TFPI: variants seen among roughly 807,000 people sequenced by gnomAD.
TFPI encodes the protein tissue factor pathway inhibitor, also known as anti-convertin.
A neutral mutation model predicts 34.6 loss-of-function variants in TFPI; 15 were observed. That is an observed-to-expected ratio of 0.43 (90% CI 0.29 to 0.67). The LOEUF (loss-of-function observed/expected upper bound fraction) is 0.67, where lower values mean the gene tolerates loss of function less well. Ranked by LOEUF, TFPI falls within the 30% of genes least tolerant of loss-of-function variation. TFPI has a pLI of 0.15. For synonymous variants in TFPI, 105 were observed against 120.1 expected (o/e 0.87, Z 0.82); for missense variants, 301 against 364.0 (o/e 0.83, Z 1.41).
chr2:187,478,088 C>G (rs1692502304), intron 6 of TFPI, among the ~76,000 whole-genome samples: 1 of 152,140 alleles, frequency 6.6e-6, no homozygotes, highest in Non-Finnish European at 1.5e-5. Context: ...AGGCCCCTCT[C>G]AAGAGTTGAT....
chr2:187,484,766 A>G, intron 5 of TFPI, 45 bp downstream of exon 5: 2 of 1,526,266 alleles, frequency 1.3e-6, no homozygotes, highest in Non-Finnish European at 8.8e-7. Context: ...TAGTTTTAAA[A>G]GGATGCCTAT....
intron 1 of TFPI, among the ~76,000 whole-genome samples, chr2:187,550,304 C>T (rs1425449583): frequency 6.6e-6 from 1 of 151,978 alleles, no homozygotes; most frequent in Non-Finnish European, 1.5e-5. Flanking sequence ...ATTTTTTGTT[C>T]CCAAGTTGCA....
At chr2:187,527,542 A>G (rs1353310912) in intron 1 of TFPI, among the ~76,000 whole-genome samples, 1 of 152,166 alleles carries the variant, frequency 6.6e-6, no homozygotes, top group African/African-American at 2.4e-5. Context: ...AGCCTGCTTT[A>G]TCTCTTTATT....
intron 3 of TFPI, among the ~76,000 whole-genome samples, chr2:187,492,822 C>T (rs1440204862): frequency 1.3e-5 from 2 of 152,146 alleles, no homozygotes; most frequent in African/African-American, 4.8e-5. Flanking sequence ...TTTACAAGCT[C>T]CTAGGCAGAA....
rs144161718 is a variant in TFPI, at chr2:187,523,733, C to T, written c.-2-19963G>A. Among the ~76,000 whole-genome samples, 45 of 152,082 alleles carry T rather than the reference C, an allele frequency of 3.0e-4. No homozygotes were observed. The East Asian group carries it at 7.1e-3, about 24-fold the overall frequency. ...AATTCTCTGTGCTTCATCCATTCAT[C>T]CTCCTCCTTCCCTCCTCTATTCCCT... On this transcript the variant is annotated intron_variant, in intron 1 of 7. Transcript: ENST00000233156.
intron 1 of TFPI, among the ~76,000 whole-genome samples, chr2:187,550,543 A>G (rs1260156705): frequency 6.6e-6 from 1 of 152,170 alleles, no homozygotes; most frequent in Non-Finnish European, 1.5e-5. Context: ...TAAAATTCAT[A>G]ATATTAGGCA....
chr2:187,488,134 A>C (rs1287675073), intron 4 of TFPI, among the ~76,000 whole-genome samples: 2 of 151,388 alleles, frequency 1.3e-5, no homozygotes, highest in Non-Finnish European at 3.0e-5. Flanking sequence ...AAATCATTTC[A>C]AAAATGACAT....
intron 6 of TFPI, among the ~76,000 whole-genome samples, chr2:187,470,900 T>A (rs1265814330): frequency 6.6e-6 from 1 of 152,244 alleles, no homozygotes; most frequent in East Asian, 1.9e-4. Flanking sequence ...CTCCTACTTG[T>A]CCATGACTGA....
intron 4 of TFPI, among the ~76,000 whole-genome samples, chr2:187,487,566 G>A (rs1281448778): frequency 6.6e-6 from 1 of 151,216 alleles, no homozygotes. Flanking sequence ...TAATCTCTTT[G>A]TTCAATATTT....
chr2:187,471,567 C>G (rs1692036268), intron 6 of TFPI, among the ~76,000 whole-genome samples: 1 of 151,980 alleles, frequency 6.6e-6, no homozygotes, highest in Non-Finnish European at 1.5e-5. Context: ...ATTTAATAAT[C>G]AAATGCATTC....
chr2:187,503,159 C>A (rs1213714683), intron 2 of TFPI, among the ~76,000 whole-genome samples: 3 of 151,824 alleles, frequency 2.0e-5, no homozygotes, highest in Admixed American at 6.6e-5. Context: ...TTACTAGATC[C>A]TTTGGTGTCC....
At chr2:187,468,112 T>C (rs1469453053) in intron 6 of TFPI, among the ~76,000 whole-genome samples, 180 bp from the exon 7 acceptor site, 2 of 152,122 alleles carry the variant, frequency 1.3e-5, no homozygotes, top group Non-Finnish European at 2.9e-5. Context: ...CAAAACCATG[T>C]GTCCAGTATA....
At chr2:187,522,211 T>C (rs1252854943) in intron 1 of TFPI, among the ~76,000 whole-genome samples, 1 of 152,166 alleles carries the variant, frequency 6.6e-6, no homozygotes, top group African/African-American at 2.4e-5. Flanking sequence ...AGCTTTTTAA[T>C]TTGATGTAAT....
chr2:187,532,637 G>GA (rs971868913), intron 1 of TFPI, among the ~76,000 whole-genome samples: 3 of 151,982 alleles, frequency 2.0e-5, no homozygotes, highest in Non-Finnish European at 2.9e-5. Context: ...TGGGTTTCAA[G>GA]AAAAAAATTG....
intron 4 of TFPI, 78 bp from the exon 5 acceptor site, chr2:187,485,065 C>T (rs1157152805): frequency 8.8e-7 from 1 of 1,132,240 alleles, no homozygotes; most frequent in Non-Finnish European, 1.2e-6. Context: ...TTTATAAATA[C>T]CTGGCTAAGT....
chr2:187,544,484 A>G (rs1025193861), intron 1 of TFPI: 4 of 152,186 alleles, frequency 2.6e-5, no homozygotes, highest in Admixed American at 2.0e-4. Context: ...AAAAACAAAC[A>G]AAAACAACAA....
intron 2 of TFPI, among the ~76,000 whole-genome samples, chr2:187,500,860 T>C (rs1685802867): frequency 6.6e-6 from 1 of 152,184 alleles, no homozygotes; most frequent in Non-Finnish European, 1.5e-5. Context: ...TCATTTCTTA[T>C]TTTGAATAAA....
chr2:187,526,092 C>T (rs2192825), intron 1 of TFPI, among the ~76,000 whole-genome samples: 103,814 of 151,982 alleles, frequency 0.68, 36,234 homozygotes, highest in East Asian at 0.84. Context: ...TTTTTATAAG[C>T]AATCCTTGAA....
At chr2:187,523,823 T>A (rs1687542573) in intron 1 of TFPI, among the ~76,000 whole-genome samples, 1 of 152,114 alleles carries the variant, frequency 6.6e-6, no homozygotes, top group Admixed American at 6.5e-5. Context: ...CACAATTTTG[T>A]ACAAATATTA....
Sources: gnomAD v4.1 joint callset for allele counts (sites outside exome capture counted in the v4.1 genomes callset) on GRCh38, gnomAD v4.1.1 for gene constraint, MANE v1.5 for transcripts, NCBI Gene and HGNC (gene_info 2026-07-23, HGNC 2026-07-21) for gene names.